Variants in TOGARAM1 observed in about 807,000 individuals in gnomAD.
TOGARAM1 encodes the protein TOG array regulator of axonemal microtubules protein 1.
Under a neutral mutation model 166.6 loss-of-function variants are expected in TOGARAM1, and 100 were observed. That is an observed-to-expected ratio of 0.60 (90% CI 0.51 to 0.71). The LOEUF is 0.71. Among genes scored for constraint, TOGARAM1 ranks in the 30% least tolerant of loss-of-function variants. The pLI, the probability that TOGARAM1 is intolerant of heterozygous loss-of-function variation, is 0.00. For missense variants in TOGARAM1, 2,029 were observed against 2,102.7 expected (o/e 0.96, Z 0.69); for synonymous variants, 758 against 763.8 (o/e 0.99, Z 0.13).
At chr14:44,965,334 T>C (rs1471185701) in intron 1 of TOGARAM1, among the ~76,000 whole-genome samples, 2 of 152,252 alleles carry the variant, frequency 1.3e-5, no homozygotes, top group Non-Finnish European at 2.9e-5. Flanking sequence ...AAAAGTGTTT[T>C]ATATTTCTTG....
intron 7 of TOGARAM1, among the ~76,000 whole-genome samples, chr14:45,022,186 G>C (rs757605174): frequency 6.6e-6 from 1 of 151,894 alleles, no homozygotes; most frequent in Non-Finnish European, 1.5e-5. Flanking sequence ...TTGTCACTCT[G>C]TAAGCCTCGG....
At chr14:45,000,614 T>C (rs1887652506) in intron 3 of TOGARAM1, among the ~76,000 whole-genome samples, 1 of 152,206 alleles carries the variant, frequency 6.6e-6, no homozygotes, top group Admixed American at 6.5e-5. Flanking sequence ...CGATGGACAC[T>C]TAGGTTGATT....
Position 44,964,283 on chromosome 14 carries a change from G to A in TOGARAM1, c.1862G>A (p.Ser621Asn), listed in dbSNP as rs376348966. ...DWLLAGNRTQ[S>N]AHCHCGDHVR... is the part of the protein sequence containing the mutation. ...CTTTTGGCTGGTAACAGAACTCAGA[G>A]TGCACACTGTCACTGTGGTGACCAC... The change falls in exon 1 of 20, where the codon AGT becomes AAT. Residue 621 changes from serine to asparagine, a missense_variant. Transcript: ENST00000361462. The A allele has an allele frequency of 6.2e-6, 10 of 1,614,196 alleles. No individual in the cohort carries two copies. In the South Asian group the frequency reaches 1.1e-4, roughly 18 times the overall value.
chr14:44,991,911 T>C (rs929444089), intron 1 of TOGARAM1, among the ~76,000 whole-genome samples: 2 of 151,694 alleles, frequency 1.3e-5, no homozygotes, highest in African/African-American at 2.4e-5. Flanking sequence ...GTATTTTTTA[T>C]ATTTTTTACA....
At chr14:44,983,129 A>G (rs1886617115) in intron 1 of TOGARAM1, among the ~76,000 whole-genome samples, 5 of 152,292 alleles carry the variant, frequency 3.3e-5, no homozygotes, top group Middle Eastern at 6.8e-3. Context: ...TTATTATGGT[A>G]GGTGTTAAAC....
intron 7 of TOGARAM1, among the ~76,000 whole-genome samples, chr14:45,018,744 AAG>A (rs1396309171): frequency 6.6e-6 from 1 of 152,220 alleles, no homozygotes; most frequent in East Asian, 1.9e-4. Context: ...TGTTTTACAA[AAG>A]AGAATACGAT....
At chr14:45,044,896 G>A in intron 13 of TOGARAM1, 26 bp downstream of exon 13, 1 of 1,534,524 alleles carries the variant, frequency 6.5e-7, no homozygotes, top group Non-Finnish European at 8.9e-7. Context: ...ACCTTGAAAT[G>A]TCTTTAAACA....
intron 7 of TOGARAM1, among the ~76,000 whole-genome samples, chr14:45,013,441 G>T (rs1879931932): frequency 6.6e-6 from 1 of 152,112 alleles, no homozygotes; most frequent in African/African-American, 2.4e-5. Flanking sequence ...TTAGTATACT[G>T]CCTTGCATAA....
At chr14:45,017,172 A>G (rs10132401) in intron 7 of TOGARAM1, among the ~76,000 whole-genome samples, 7,135 of 152,264 alleles carry the variant, frequency 0.047, 545 homozygotes, top group African/African-American at 0.16. Flanking sequence ...CCCTAAGCAT[A>G]CTGATAAAGA....
At chr14:45,039,604 G>T (rs768470724) in intron 11 of TOGARAM1, among the ~76,000 whole-genome samples, 24 of 152,184 alleles carry the variant, frequency 1.6e-4, no homozygotes, top group Non-Finnish European at 2.8e-4. Context: ...CCCCAAGTGT[G>T]TGCACACCCG....
chr14:45,015,551 TAGA>T (rs1880079546), intron 7 of TOGARAM1, among the ~76,000 whole-genome samples: 1 of 151,516 alleles, frequency 6.6e-6, no homozygotes, highest in South Asian at 2.1e-4. Flanking sequence ...TGTTATTCAT[TAGA>T]AGGAGACCTA....
At chr14:45,013,535 A>G (rs139777145) in intron 7 of TOGARAM1, among the ~76,000 whole-genome samples, 1 of 152,336 alleles carries the variant, frequency 6.6e-6, no homozygotes, top group East Asian at 1.9e-4. Flanking sequence ...AGATGAGCTG[A>G]CACCCCAGTT....
At chr14:44,977,494 C>A (rs1218546886) in intron 1 of TOGARAM1, among the ~76,000 whole-genome samples, 2 of 152,000 alleles carry the variant, frequency 1.3e-5, no homozygotes, top group African/African-American at 4.8e-5. Flanking sequence ...CCTTGGCCAC[C>A]CAAAGTGCTG....
At chr14:45,069,466 T>TTG (rs199992987) in intron 18 of TOGARAM1, among the ~76,000 whole-genome samples, 1,814 of 151,786 alleles carry the variant, frequency 0.012, 29 homozygotes, top group African/African-American at 0.04. Flanking sequence ...AACTCATACC[T>TTG]AGAATATGTA....
chr14:44,964,217 G>A lies in TOGARAM1; in HGVS notation c.1796G>A (p.Gly599Asp), dbSNP rs1594597436. Residue 599 changes from glycine to aspartate, a missense_variant, in exon 1 of 20, where the codon GGT (glycine) becomes GAT (aspartate). Transcript: ENST00000361462. ...YAVLMPSSAG[G>D]RSNHLAHGAD... is the part of the protein sequence containing the mutation. ...GTACTGATGCCATCTTCTGCCGGGG[G>A]TAGGTCAAACCATTTGGCACATGGA... 1 of 1,614,080 alleles carries A rather than the reference G, an allele frequency of 6.2e-7. No homozygotes were observed. Among genetic ancestry groups the A allele is most frequent in the Admixed American group, 1.7e-5 (1 of 59,998 alleles).
At chr14:44,970,776 T>C (rs562308315) in intron 1 of TOGARAM1, among the ~76,000 whole-genome samples, 1 of 152,320 alleles carries the variant, frequency 6.6e-6, no homozygotes, top group South Asian at 2.1e-4. Flanking sequence ...AATGCTTTTT[T>C]GCATCTATTG....
At chr14:45,036,130 TAAAAAAAAAAA>T (rs770145117) in intron 11 of TOGARAM1, among the ~76,000 whole-genome samples, 1 of 29,180 alleles carries the variant, frequency 3.4e-5, no homozygotes, top group East Asian at 1.2e-3. Flanking sequence ...ACCTTGTCTC[TAAAAAAAAAAA>T]AAAAAAAAAA....
chr14:45,059,913 A>ATTT (rs1210596745), intron 16 of TOGARAM1, among the ~76,000 whole-genome samples: 1 of 138,536 alleles, frequency 7.2e-6, no homozygotes, highest in Non-Finnish European at 1.6e-5. Context: ...TAGAAATGCA[A>ATTT]TTTTTTTTTT....
chr14:45,072,956 ACTG>A (rs1425165739), intron 19 of TOGARAM1, among the ~76,000 whole-genome samples: 4 of 152,190 alleles, frequency 2.6e-5, no homozygotes, highest in African/African-American at 9.7e-5. Context: ...CTTACAGAAA[ACTG>A]CTATTTCAAA....
Sources: allele counts gnomAD v4.1 joint callset (sites outside exome capture counted in the v4.1 genomes callset), GRCh38; gene constraint gnomAD v4.1.1; transcripts MANE v1.5; gene names NCBI Gene and HGNC (gene_info 2026-07-23, HGNC 2026-07-21).